Variants in NAALADL2 observed in about 807,000 individuals in gnomAD.
The protein encoded by NAALADL2 is inactive N-acetylated-alpha-linked acidic dipeptidase-like protein 2.
NAALADL2 carries 76 observed loss-of-function variants against 87.2 expected under a neutral mutation model. The ratio of observed to expected loss-of-function variants is 0.87; its 90% confidence interval spans 0.72 to 1.05. The LOEUF (loss-of-function observed/expected upper bound fraction) is 1.05, where lower values mean the gene tolerates loss of function less well. Among genes scored for constraint, NAALADL2 ranks in the 50% least tolerant of loss-of-function variants. NAALADL2 has a pLI of 0.00. For missense variants in NAALADL2, 1,089 were observed against 945.8 expected, an observed-to-expected ratio of 1.15 and a Z score of -1.99; for synonymous variants, 354 against 331.0, an observed-to-expected ratio of 1.07 and a Z score of -0.75.
chr3:174,710,346 C>T lies in NAALADL2; in HGVS notation c.-114-27295C>T, dbSNP rs188408469. ...CTCGGCTCACTGCAAGCTCTGCCTC[C>T]CAGGTTCATGCCATTCTCCTCTCTC... On this transcript the variant is annotated intron_variant, in intron 2 of 3. Transcript: ENST00000434257. 6.0e-3 allele frequency among the ~76,000 whole-genome samples: 914 copies of T among 151,724 alleles called. 1 individual carries two copies. Among genetic ancestry groups the T allele is most frequent in the Non-Finnish European group, 0.01 (687 of 67,932 alleles).
intron 5 of NAALADL2, among the ~76,000 whole-genome samples, chr3:175,446,775 C>A (rs1203423996): frequency 6.6e-6 from 1 of 152,174 alleles, no homozygotes. Context: ...CAATTTCTAA[C>A]CCTTTCTTTG....
chr3:175,745,309 G>T (rs1349299397), intron 12 of NAALADL2, among the ~76,000 whole-genome samples: 1 of 152,170 alleles, frequency 6.6e-6, no homozygotes, highest in Non-Finnish European at 1.5e-5. Flanking sequence ...GGTATATGGA[G>T]ATATAGTGTA....
chr3:175,369,150 A>G (rs1468108123), intron 5 of NAALADL2, among the ~76,000 whole-genome samples: 1 of 152,200 alleles, frequency 6.6e-6, no homozygotes, highest in Admixed American at 6.5e-5. Context: ...ACTATAATCT[A>G]TGGAACCACC....
chr3:175,334,198 G>A lies in NAALADL2; in HGVS notation c.1090+9873G>A, dbSNP rs1319608632. ...GGTGCTAGACTTATTGACTATTGTTGCGTGTTTTAAGTCCTCTCGATGGAC... is the reference window on the plus strand; with the variant it reads ...GGTGCTAGACTTATTGACTATTGTTACGTGTTTTAAGTCCTCTCGATGGAC... On this transcript the variant is annotated intron_variant, in intron 5 of 13. Coordinates refer to ENST00000454872, the MANE Select transcript of NAALADL2 (RefSeq NM_207015.3). Among the ~76,000 whole-genome samples, 3 of 152,054 alleles carry A rather than the reference G, an allele frequency of 2.0e-5. No individual in the cohort carries two copies. In the East Asian group the frequency reaches 5.8e-4, roughly 29 times the overall value.
chr3:175,748,437 A>C (rs1216590079), intron 12 of NAALADL2, among the ~76,000 whole-genome samples: 1 of 152,220 alleles, frequency 6.6e-6, no homozygotes, highest in East Asian at 1.9e-4. Context: ...CCCCCAAAAT[A>C]ATCTTCTACT....
chr3:175,693,073 G>A (rs1403047205), intron 11 of NAALADL2, among the ~76,000 whole-genome samples: 1 of 152,166 alleles, frequency 6.6e-6, no homozygotes, highest in Non-Finnish European at 1.5e-5. Flanking sequence ...CAGAGTCCAG[G>A]AAATTTGGAA....
intron 2 of NAALADL2, among the ~76,000 whole-genome samples, chr3:174,564,669 A>G (rs1022717969): frequency 2.0e-5 from 3 of 151,748 alleles, no homozygotes; most frequent in African/African-American, 7.3e-5. Flanking sequence ...ATATTTTGGG[A>G]CTTTTAAATT....
At chr3:175,028,730 T>C (rs1752478589) in intron 1 of NAALADL2, among the ~76,000 whole-genome samples, 6 of 151,938 alleles carry the variant, frequency 3.9e-5, no homozygotes, top group African/African-American at 2.4e-5. Flanking sequence ...AAAGATATAT[T>C]TCAGGATCTA....
chr3:174,582,492 A>T (rs1716277901), intron 2 of NAALADL2, among the ~76,000 whole-genome samples: 1 of 152,324 alleles, frequency 6.6e-6, no homozygotes, highest in East Asian at 1.9e-4. Flanking sequence ...AAGGATTCTT[A>T]TTGGATAATA....
At chr3:175,099,699 A>G (rs749585235) in intron 2 of NAALADL2, among the ~76,000 whole-genome samples, 21 of 152,092 alleles carry the variant, frequency 1.4e-4, no homozygotes, top group African/African-American at 3.4e-4. Context: ...TCTCTTTTCT[A>G]TTGGTTCTCT....
chr3:174,676,415 A>G (rs1362181891), intron 2 of NAALADL2, among the ~76,000 whole-genome samples: 1 of 105,932 alleles, frequency 9.4e-6, no homozygotes, highest in African/African-American at 2.6e-5. Flanking sequence ...TGAGCTTTAT[A>G]TTATTAGGTC....
intron 2 of NAALADL2, among the ~76,000 whole-genome samples, chr3:175,194,806 C>G (rs919605929): frequency 6.6e-6 from 1 of 151,686 alleles, no homozygotes; most frequent in East Asian, 1.9e-4. Context: ...TAAGGAACCA[C>G]ATCCTTGTAA....
chr3:174,555,467 T>C (rs980962722), intron 2 of NAALADL2, among the ~76,000 whole-genome samples: 1 of 151,988 alleles, frequency 6.6e-6, no homozygotes, highest in African/African-American at 2.4e-5. Context: ...ACCCCACTAA[T>C]TTTTGTATTT....
At chr3:175,021,927 C>T (rs757250286) in intron 1 of NAALADL2, among the ~76,000 whole-genome samples, 4 of 151,894 alleles carry the variant, frequency 2.6e-5, no homozygotes, top group African/African-American at 7.2e-5. Flanking sequence ...AAGTAGGGCC[C>T]GGTGGGAGGT....
chr3:175,119,295 G>A (rs2108551391), intron 2 of NAALADL2, among the ~76,000 whole-genome samples: 1 of 151,688 alleles, frequency 6.6e-6, no homozygotes, highest in South Asian at 2.1e-4. Flanking sequence ...TAATAAAAAA[G>A]CTTTAATGAA....
At chr3:174,873,158 T>A (rs963129391) in intron 1 of NAALADL2, among the ~76,000 whole-genome samples, 1 of 152,288 alleles carries the variant, frequency 6.6e-6, no homozygotes, top group African/African-American at 2.4e-5. Context: ...TTTAACTTAG[T>A]TTTATGTAAT....
At chr3:174,574,969 T>C (rs1397000171) in intron 2 of NAALADL2, among the ~76,000 whole-genome samples, 1 of 152,142 alleles carries the variant, frequency 6.6e-6, no homozygotes, top group Non-Finnish European at 1.5e-5. Context: ...ATGAAGCTGC[T>C]ATAAACATTT....
At chr3:175,135,627 C>T (rs1449230306) in intron 2 of NAALADL2, among the ~76,000 whole-genome samples, 1 of 151,930 alleles carries the variant, frequency 6.6e-6, no homozygotes, top group African/African-American at 2.4e-5. Context: ...CAAATTGTAA[C>T]AAGAGGCCCA....
At chr3:174,468,157 C>A (rs966708788) in intron 1 of NAALADL2, among the ~76,000 whole-genome samples, 8 of 151,948 alleles carry the variant, frequency 5.3e-5, no homozygotes, top group African/African-American at 1.9e-4. Flanking sequence ...TCATTTAATT[C>A]CAAAAAGAAA....
Sources: gnomAD v4.1 joint callset for allele counts (sites outside exome capture counted in the v4.1 genomes callset) on GRCh38, gnomAD v4.1.1 for gene constraint, MANE v1.5 for transcripts, NCBI Gene and HGNC (gene_info 2026-07-23, HGNC 2026-07-21) for gene names.